Variants in AP3S2 observed in about 807,000 individuals in gnomAD.
The protein encoded by AP3S2 is adaptor related protein complex 3 subunit sigma 2, also known as AP-3 complex subunit sigma-2.
Under a neutral mutation model 23.4 loss-of-function variants are expected in AP3S2, and 22 were observed. The observed-to-expected ratio is 0.94, with a 90% CI of 0.67 to 1.34. The LOEUF (loss-of-function observed/expected upper bound fraction) is 1.34. AP3S2 is among the 40% of genes most tolerant of loss of function. AP3S2 has a pLI of 0.00. For missense variants in AP3S2, 241 were observed against 236.9 expected, an observed-to-expected ratio of 1.02 and a Z score of -0.11; for synonymous variants, 86 against 87.1, an observed-to-expected ratio of 0.99 and a Z score of 0.07.
At chr15:89,848,417 G>A (rs926896538) in intron 4 of AP3S2, among the ~76,000 whole-genome samples, 1 of 152,230 alleles carries the variant, frequency 6.6e-6, no homozygotes, top group Admixed American at 6.5e-5. Flanking sequence ...CTGGAGTGCA[G>A]TGGCGTGATC....
At chr15:89,878,915 T>A (rs978181526) in intron 3 of AP3S2, among the ~76,000 whole-genome samples, 7 of 152,306 alleles carry the variant, frequency 4.6e-5, no homozygotes, top group Admixed American at 2.0e-4. Context: ...GCCCAGCTAA[T>A]TTTTGTACTT....
intron 4 of AP3S2, among the ~76,000 whole-genome samples, chr15:89,842,170 A>G (rs1895343926): frequency 6.6e-6 from 1 of 152,146 alleles, no homozygotes; most frequent in Non-Finnish European, 1.5e-5. Context: ...AAACTGCTAA[A>G]AACACACTAG....
At chr15:89,845,591 A>G (rs978326575) in intron 4 of AP3S2, 3 of 152,232 alleles carry the variant, frequency 2.0e-5, no homozygotes, top group African/African-American at 7.2e-5. Flanking sequence ...GGTTCTGTTA[A>G]ACAACAGAAG....
At chr15:89,846,783 C>T (rs1321857273) in intron 4 of AP3S2, among the ~76,000 whole-genome samples, 11 of 152,194 alleles carry the variant, frequency 7.2e-5, no homozygotes, top group Admixed American at 6.5e-4. Context: ...GCCTCGGCCT[C>T]CCAAAGTGCT....
Position 89,844,251 on chromosome 15 carries a change from CTT to C in AP3S2, c.346-6531_346-6530del, listed in dbSNP as rs1318400035. 4.7e-3 allele frequency among the ~76,000 whole-genome samples: 216 copies of C among 45,572 alleles called. 1 individual carries two copies. The highest frequency in any genetic ancestry group is 8.6e-3 in the Non-Finnish European group (166 of 19,276). The allele number at this position is 45,572 out of a possible 152,430, so 29.9% of individuals were successfully genotyped here. ...TCTTTCTTTCTTTCTTTCTTTCTTT[CTT>C]TCTTTCTTTCTTTCTTTCTCTCTCT... On this transcript the variant is annotated intron_variant, in intron 4 of 5. Transcript: ENST00000336418.
rs1289495499 is a variant in AP3S2 at position 89,833,832 on chromosome 15, G to A, written c.*1683C>T. The A allele has an allele frequency of 6.6e-6, 1 of 152,240 alleles. No homozygotes were observed. The highest frequency in any genetic ancestry group is 1.5e-5 in the Non-Finnish European group (1 of 68,084). 9.4% of individuals were successfully genotyped at this position (152,240 alleles called of 1,614,324 possible). A position where few individuals can be genotyped will look rare whatever the true frequency, so the allele number is the denominator to read the frequency against. On this transcript the variant is annotated 3_prime_UTR_variant, in exon 6 of 6. Coordinates refer to ENST00000336418, the MANE Select transcript of AP3S2 (RefSeq NM_005829.5). ...GTGGGCACAAACCACAGGGAGCGCTGTTCAAAAATGGAAAACAAGGTGGCC... is the reference window on the plus strand; with the variant it reads ...GTGGGCACAAACCACAGGGAGCGCTATTCAAAAATGGAAAACAAGGTGGCC...
At chr15:89,893,182 C>G (rs957091394) in intron 1 of AP3S2, 2 of 152,266 alleles carry the variant, frequency 1.3e-5, no homozygotes, top group African/African-American at 4.8e-5. Context: ...TCAGTTCCAC[C>G]AGTCCCCCAA....
rs113828416 is a variant in AP3S2, at chr15:89,888,607, G to A, written c.187C>T (p.Leu63=). The change falls in exon 3 of 6, where the codon CTG becomes TTG. Residue 63 remains leucine (L), a synonymous_variant. Coordinates refer to ENST00000336418, the MANE Select transcript of AP3S2 (RefSeq NM_005829.5). ...AGGGTAGCATAGTGCCGGTAGATCA[G>A]TTTGTAGTCAGAGCCACCAATCAAA... ...GSLIGGSDYK[L]IYRHYATLYF... 108 of 1,614,208 alleles carry A rather than the reference G, an allele frequency of 6.7e-5. 1 individual carries two copies. In the African/African-American group the frequency reaches 1.3e-3, roughly 20 times the overall value.
In AP3S2 at chr15:89,833,474, C is replaced by T. The variant is rs558531172; in HGVS notation, c.*2041G>A. ...GGGAAGGTTACTGGAGCTGGGTCTA[C>T]TTTCGTCATCTGCAAAATGGGGATA... On this transcript the variant is annotated 3_prime_UTR_variant, in exon 6 of 6. Coordinates refer to ENST00000336418, the MANE Select transcript of AP3S2 (RefSeq NM_005829.5). 2.6e-5 allele frequency: 4 copies of T among 152,318 alleles called. No homozygotes were observed. The highest frequency in any genetic ancestry group is 2.0e-4 in the Admixed American group (3 of 15,288). The allele number at this position is 152,318 out of a possible 1,614,324, so 9.4% of individuals were successfully genotyped here. A position where few individuals can be genotyped will look rare whatever the true frequency, so the allele number is the denominator to read the frequency against.
chr15:89,837,768 C>A (rs1381703720), intron 4 of AP3S2, 46 bp from the exon 5 acceptor site: 1 of 1,610,258 alleles, frequency 6.2e-7, no homozygotes, highest in Admixed American at 1.7e-5. Context: ...CTGTGGTGGT[C>A]AGAGTGTAAC....
chr15:89,839,454 C>A (rs554528967), intron 4 of AP3S2, among the ~76,000 whole-genome samples: 1 of 152,256 alleles, frequency 6.6e-6, no homozygotes, highest in Non-Finnish European at 1.5e-5. Context: ...TATTCATTAG[C>A]TATATGCAAA....
chr15:89,871,190 T>G (rs548500968), intron 4 of AP3S2, among the ~76,000 whole-genome samples: 1 of 152,210 alleles, frequency 6.6e-6, no homozygotes. Context: ...TTTGGCCAAG[T>G]AGCCAGTGAC....
intron 3 of AP3S2, among the ~76,000 whole-genome samples, chr15:89,887,758 C>T (rs1425322692): frequency 6.6e-6 from 1 of 152,230 alleles, no homozygotes; most frequent in Non-Finnish European, 1.5e-5. Context: ...GCAACCTCCA[C>T]ATCCCAGGTT....
intron 4 of AP3S2, among the ~76,000 whole-genome samples, chr15:89,862,837 T>C: frequency 6.6e-6 from 1 of 152,150 alleles, no homozygotes; most frequent in East Asian, 1.9e-4. Flanking sequence ...ACTCGAGCCA[T>C]ACATCAAGAC....
intron 5 of AP3S2, 62 bp from the exon 6 acceptor site, chr15:89,835,705 A>T: frequency 2.1e-6 from 2 of 936,878 alleles, no homozygotes; most frequent in Non-Finnish European, 2.8e-6. Context: ...TAATGCTAAA[A>T]AAAAAAAAAA....
chr15:89,873,507 A>G (rs868167892), intron 3 of AP3S2, among the ~76,000 whole-genome samples: 1 of 151,526 alleles, frequency 6.6e-6, no homozygotes, highest in Non-Finnish European at 1.5e-5. Context: ...CTGATATCCA[A>G]TTCCTGACCT....
At chr15:89,888,887 T>C (rs533210172) in intron 2 of AP3S2, among the ~76,000 whole-genome samples, 162 bp downstream of exon 2, 2 of 152,318 alleles carry the variant, frequency 1.3e-5, no homozygotes, top group African/African-American at 4.8e-5. Flanking sequence ...ATAATTGAAC[T>C]GCGCCCCAAA....
At chr15:89,879,087 C>A (rs1349779411) in intron 3 of AP3S2, among the ~76,000 whole-genome samples, 2 of 152,226 alleles carry the variant, frequency 1.3e-5, no homozygotes, top group Non-Finnish European at 1.5e-5. Flanking sequence ...CTATGCTGCC[C>A]AGGAAGGTCT....
chr15:89,858,026 A>G (rs1217904815), intron 4 of AP3S2, among the ~76,000 whole-genome samples: 2 of 152,206 alleles, frequency 1.3e-5, no homozygotes, highest in Non-Finnish European at 2.9e-5. Context: ...ACATAGCACG[A>G]GTGAAAAAAT....
Sources: allele counts gnomAD v4.1 joint callset (sites outside exome capture counted in the v4.1 genomes callset), GRCh38; gene constraint gnomAD v4.1.1; transcripts MANE v1.5; gene names NCBI Gene and HGNC (gene_info 2026-07-23, HGNC 2026-07-21).